REPS2: variants seen among roughly 807,000 people sequenced by gnomAD.
REPS2 encodes the protein ralBP1-associated Eps domain-containing protein 2.
REPS2 carries 23 observed loss-of-function variants against 53.6 expected under a neutral mutation model. The ratio of observed to expected loss-of-function variants is 0.43; its 90% CI spans 0.31 to 0.61. REPS2 has a LOEUF of 0.61. Among genes scored for constraint, REPS2 ranks in the 20% least tolerant of loss-of-function variants. The probability of loss-of-function intolerance (pLI) is 0.11; values close to 1 mark genes in which losing one functional copy is unlikely to be tolerated. For missense variants in REPS2, 446 were observed against 534.9 expected (o/e 0.83, Z 1.64); for synonymous variants, 238 against 218.6 (o/e 1.09, Z -0.78).
intron 6 of REPS2, among the ~76,000 whole-genome samples, chrX:17,050,187 T>TTTCC (rs2061972802): frequency 3.3e-5 from 2 of 60,679 alleles, no homozygotes. Flanking sequence ...TCTTTCTTTC[T>TTTCC]TTCTTTCTTT....
chrX:16,956,994 T>G (rs924751199), intron 1 of REPS2, among the ~76,000 whole-genome samples: 1 of 112,672 alleles, frequency 8.9e-6, no homozygotes, highest in African/African-American at 3.2e-5. Flanking sequence ...TTGTAACACT[T>G]TGCCACTGGT....
intron 10 of REPS2, among the ~76,000 whole-genome samples, chrX:17,069,384 G>C (rs190463881): frequency 1.8e-5 from 2 of 112,447 alleles, no homozygotes; most frequent in Admixed American, 1.9e-4. Flanking sequence ...GTTAAGGCCT[G>C]CCATTGATTA....
At chrX:17,122,626 G>GCCT (rs2063156275) in intron 14 of REPS2, among the ~76,000 whole-genome samples, 1 of 112,154 alleles carries the variant, frequency 8.9e-6, no homozygotes, top group Admixed American at 9.4e-5. Context: ...GTTTTACGAA[G>GCCT]TGTTTGTACT....
intron 1 of REPS2, among the ~76,000 whole-genome samples, chrX:16,982,575 T>G (rs1252225586): frequency 8.9e-6 from 1 of 112,214 alleles, no homozygotes; most frequent in Non-Finnish European, 1.9e-5. Context: ...ATCTTTCTTC[T>G]AGTATAGAAT....
At position 17,150,967 on chromosome X, in the gene REPS2, T is replaced by A. The variant is rs961259537; in HGVS notation, c.*3486T>A. On this transcript the variant is annotated 3_prime_UTR_variant, in exon 18 of 18. Transcript: ENST00000357277. Reference sequence around the variant, plus strand: ...GGAGTTTAGTTCTAGAAATTTCTCTTAGATTGAAGTGACAGAATCTGAAAG... The same window carrying A: ...GGAGTTTAGTTCTAGAAATTTCTCTAAGATTGAAGTGACAGAATCTGAAAG... 2.0e-4 allele frequency: 22 copies of A among 112,394 alleles called. No individual in the cohort carries two copies. The highest frequency in any genetic ancestry group is 6.8e-4 in the African/African-American group (21 of 30,879). 9.3% of individuals were successfully genotyped at this position (112,394 alleles called of 1,213,427 possible).
chrX:17,172,692 GAGTT>G, the REPS2 span, among the ~76,000 whole-genome samples: 1 of 111,505 alleles, frequency 9.0e-6, no homozygotes, highest in East Asian at 2.8e-4. Context: ...AAACAATTGA[GAGTT>G]ATTTATTTAT....
At chrX:17,059,120 C>T (rs1404092959) in intron 8 of REPS2, among the ~76,000 whole-genome samples, 7 of 106,320 alleles carry the variant, frequency 6.6e-5, no homozygotes, top group African/African-American at 2.4e-4. Context: ...ATGCCATTCT[C>T]CTGCCTCAGC....
chrX:17,186,424 T>C, the REPS2 span, among the ~76,000 whole-genome samples: 1 of 112,388 alleles, frequency 8.9e-6, no homozygotes, highest in East Asian at 2.8e-4. Flanking sequence ...GACAACCCTC[T>C]CTTGAGGTGA....
intron 14 of REPS2, among the ~76,000 whole-genome samples, chrX:17,123,596 C>T (rs2063169738): frequency 8.9e-6 from 1 of 112,471 alleles, no homozygotes; most frequent in Non-Finnish European, 1.9e-5. Flanking sequence ...CAGTGTTTTC[C>T]TGAGTGTCTC....
At chrX:17,088,612 G>A (rs1380001703) in intron 13 of REPS2, among the ~76,000 whole-genome samples, 2 of 100,547 alleles carry the variant, frequency 2.0e-5, no homozygotes, top group African/African-American at 3.7e-5. Flanking sequence ...TTTTTAAGAT[G>A]GAGTCTCTCT....
At chrX:17,061,240 T>TG (rs1213458757) in intron 8 of REPS2, among the ~76,000 whole-genome samples, 18 of 112,228 alleles carry the variant, frequency 1.6e-4, no homozygotes, top group South Asian at 3.7e-4. Flanking sequence ...CCTTACTTAC[T>TG]TACTGTATGT....
chrX:17,172,730 G>A, the REPS2 span, among the ~76,000 whole-genome samples: 1 of 111,361 alleles, frequency 9.0e-6, no homozygotes, highest in Non-Finnish European at 1.9e-5. Context: ...ACTAGGCAGT[G>A]TCAGCTCTTC....
the REPS2 span, among the ~76,000 whole-genome samples, chrX:17,184,282 G>T: frequency 9.6e-6 from 1 of 103,993 alleles, no homozygotes; most frequent in Non-Finnish European, 2.0e-5. Context: ...TGTGGTGTTT[G>T]GTTTTTTGTT....
the REPS2 span, among the ~76,000 whole-genome samples, chrX:17,191,614 G>A: frequency 8.9e-6 from 1 of 112,233 alleles, no homozygotes; most frequent in Admixed American, 9.4e-5. Flanking sequence ...ATAAAAACCT[G>A]TACATGAATT....
chrX:17,169,931 A>G, the REPS2 span, among the ~76,000 whole-genome samples: 2 of 112,114 alleles, frequency 1.8e-5, no homozygotes, highest in African/African-American at 6.5e-5. Flanking sequence ...CCTCTGTCCC[A>G]TCTGGCAGTT....
At chrX:16,957,004 T>C (rs1211203579) in intron 1 of REPS2, among the ~76,000 whole-genome samples, 1 of 112,565 alleles carries the variant, frequency 8.9e-6, no homozygotes, top group African/African-American at 3.2e-5. Flanking sequence ...TTGCCACTGG[T>C]TTACAAGAAA....
intron 13 of REPS2, among the ~76,000 whole-genome samples, chrX:17,079,786 A>G (rs747045497): frequency 1.8e-5 from 2 of 112,528 alleles, no homozygotes; most frequent in African/African-American, 3.2e-5. Flanking sequence ...GAAGAATAGA[A>G]CATTTCTGCA....
chrX:17,143,453 C>T (rs974424334), intron 17 of REPS2, among the ~76,000 whole-genome samples: 2 of 21,367 alleles, frequency 9.4e-5, no homozygotes, highest in African/African-American at 1.5e-3. Flanking sequence ...TTTGGTGGGC[C>T]CTTTTGGAAA....
At position 17,010,907 on chromosome X, in the gene REPS2, T is replaced by C. The variant is rs778147450; in HGVS notation, c.397+4563T>C. ...TAAATATAAAATAAAAAAATACAGA[T>C]GCCTGGGTCCATCTCCAGAAATTCT... On this transcript the variant is annotated intron_variant, in intron 2 of 17. Transcript: ENST00000357277. 7.1e-5 allele frequency among the ~76,000 whole-genome samples: 8 copies of C among 111,923 alleles called. No individual in the cohort carries two copies. In the South Asian group the frequency reaches 3.0e-3, roughly 42 times the overall value.
Sources: allele counts gnomAD v4.1 joint callset (sites outside exome capture counted in the v4.1 genomes callset), GRCh38; gene constraint gnomAD v4.1.1; transcripts MANE v1.5; gene names NCBI Gene and HGNC (gene_info 2026-07-23, HGNC 2026-07-21).